The following NFX1 variants were observed in gnomAD, a reference collection of about 807,000 sequenced individuals.
The protein encoded by NFX1 is nuclear transcription factor, X-box binding 1.
In NFX1, 69 loss-of-function variants were observed where a neutral mutation model predicts 137.2. The observed-to-expected ratio is 0.50, with a 90% CI of 0.41 to 0.61. The LOEUF is 0.61. Ranked by LOEUF, NFX1 falls within the 20% of genes least tolerant of loss-of-function variation. NFX1 has a pLI of 0.00. For synonymous variants in NFX1, 495 were observed against 474.1 expected, an observed-to-expected ratio of 1.04 and a Z score of -0.57; for missense variants, 1,167 against 1,391.0, an observed-to-expected ratio of 0.84 and a Z score of 2.56.
At position 33,294,522 on chromosome 9, in the gene NFX1, T is replaced by C. The variant is rs1305648124; in HGVS notation, c.128T>C (p.Ile43Thr). The C allele has an allele frequency of 7.4e-6, 12 of 1,614,086 alleles. No homozygotes were observed. Among genetic ancestry groups the C allele is most frequent in the Non-Finnish European group, 1.0e-5 (12 of 1,180,018 alleles). ...GTQRRLDSNR[I>T]GRRNYSSPPP... ...CAAAGGAGACTAGACTCTAATAGGA[T>C]TGGTAGAAGAAATTACAGTTCACCA... Residue 43 changes from isoleucine to threonine, a missense_variant, in exon 2 of 24, where the codon ATT becomes ACT. By Grantham distance (89) the Ile-to-Thr change is moderately conservative (BLOSUM62 -1). Coordinates refer to ENST00000379540, the MANE Select transcript of NFX1 (RefSeq NM_002504.6).
chr9:33,357,201 C>G (rs1189435789), intron 19 of NFX1, among the ~76,000 whole-genome samples: 1 of 152,032 alleles, frequency 6.6e-6, no homozygotes, highest in Non-Finnish European at 1.5e-5. Flanking sequence ...ACTCGGGAAG[C>G]TGAGGCAGGA....
chr9:33,318,612 A>T, intron 7 of NFX1, 119 bp from the exon 8 acceptor site: 1 of 884,528 alleles, frequency 1.1e-6, no homozygotes, highest in Middle Eastern at 2.4e-4. Flanking sequence ...GGCCTCCCAG[A>T]TTACAGGCAT....
At chr9:33,317,121 GA>G (rs1187356580) in intron 7 of NFX1, among the ~76,000 whole-genome samples, 6 of 151,924 alleles carry the variant, frequency 3.9e-5, no homozygotes, top group African/African-American at 1.2e-4. Context: ...TAGAACGGGG[GA>G]AAAAATTGCA....
Position 33,370,813 on chromosome 9 carries a change from A to G in NFX1, c.*835A>G, listed in dbSNP as rs1587888603. 6.6e-6 allele frequency: 1 copy of G among 152,214 alleles called. No homozygotes were observed. 9.4% of individuals were successfully genotyped at this position (152,214 alleles called of 1,614,324 possible). On this transcript the variant is annotated 3_prime_UTR_variant, in exon 24 of 24. Transcript: ENST00000379540. ...CCTCTTTGATAGAGAAAGAGTCTCA[A>G]ATGGACAACTGTCCTGTGTTGCTTT... is the stretch of plus-strand genomic sequence containing the variant.
In NFX1 at chr9:33,345,535, C is replaced by G. The variant is rs77469097; in HGVS notation, c.2344+1347C>G. ...AATTAAATAATCTATTATATGTCACCTCCAAAGAATTATACCTTATATGTA... is the reference window on the plus strand; with the variant it reads ...AATTAAATAATCTATTATATGTCACGTCCAAAGAATTATACCTTATATGTA... On this transcript the variant is annotated intron_variant, in intron 14 of 23. Coordinates refer to ENST00000379540, the MANE Select transcript of NFX1 (RefSeq NM_002504.6). 1.5e-3 allele frequency among the ~76,000 whole-genome samples: 224 copies of G among 152,212 alleles called. 3 individuals are homozygous for G. The highest frequency in any genetic ancestry group is 5.2e-3 in the African/African-American group (216 of 41,546).
chr9:33,333,571 G>C (rs1277256311), intron 11 of NFX1, among the ~76,000 whole-genome samples: 5 of 152,214 alleles, frequency 3.3e-5, no homozygotes, highest in African/African-American at 1.2e-4. Flanking sequence ...AAGGAAAACA[G>C]TCCTGAAAGG....
At chr9:33,358,375 C>T (rs1021599421) in intron 19 of NFX1, among the ~76,000 whole-genome samples, 1 of 152,256 alleles carries the variant, frequency 6.6e-6, no homozygotes, top group African/African-American at 2.4e-5. Context: ...CTGCCCGCCT[C>T]AGCCTCCCAG....
chr9:33,366,857 T>G, intron 22 of NFX1, 83 bp downstream of exon 22: 1 of 1,462,152 alleles, frequency 6.8e-7, no homozygotes, highest in Admixed American at 2.2e-5. Context: ...ATACTTGTCT[T>G]TCTTACTACC....
At chr9:33,347,190 C>A in intron 15 of NFX1, 73 bp downstream of exon 15, 1 of 1,172,442 alleles carries the variant, frequency 8.5e-7, no homozygotes, top group Non-Finnish European at 1.2e-6. Flanking sequence ...AATTGTTAGT[C>A]TCATCGTCTG....
At chr9:33,292,929 C>T (rs1339726061) in intron 1 of NFX1, among the ~76,000 whole-genome samples, 1 of 152,218 alleles carries the variant, frequency 6.6e-6, no homozygotes, top group East Asian at 1.9e-4. Flanking sequence ...TTCCAGAATA[C>T]CTCTGCCACC....
chr9:33,316,409 C>G (rs1019608843), intron 7 of NFX1, among the ~76,000 whole-genome samples: 1 of 152,026 alleles, frequency 6.6e-6, no homozygotes, highest in East Asian at 1.9e-4. Flanking sequence ...TGCACACCAC[C>G]ATGCCTGGCT....
intron 4 of NFX1, among the ~76,000 whole-genome samples, chr9:33,306,063 G>A (rs1368623869): frequency 2.0e-5 from 3 of 152,160 alleles, no homozygotes; most frequent in Non-Finnish European, 4.4e-5. Flanking sequence ...AGGAAAACCA[G>A]GGCACTGTAT....
chr9:33,360,122 T>C (rs1368803071), intron 19 of NFX1, among the ~76,000 whole-genome samples: 2 of 152,230 alleles, frequency 1.3e-5, no homozygotes, highest in Non-Finnish European at 2.9e-5. Context: ...TTAGGAGTCC[T>C]AGGTATTCAG....
At chr9:33,353,156 T>C (rs2118645651) in intron 17 of NFX1, among the ~76,000 whole-genome samples, 1 of 152,366 alleles carries the variant, frequency 6.6e-6, no homozygotes, top group Non-Finnish European at 1.5e-5. Flanking sequence ...CTTTGAAATT[T>C]CTCCGCTTCC....
chr9:33,352,656 A>G lies in NFX1; in HGVS notation c.2666A>G (p.Gln889Arg), dbSNP rs1325299978. 1.2e-6 allele frequency: 2 copies of G among 1,614,156 alleles called. No homozygotes were observed. The highest frequency in any genetic ancestry group is 2.7e-5 in the African/African-American group (2 of 75,066). ...TTCATCTGACTTCAGGTAGAGCTACAGTGTGAATGTGGACGAAGAAAAGAG... is the reference window on the plus strand; with the variant it reads ...TTCATCTGACTTCAGGTAGAGCTACGGTGTGAATGTGGACGAAGAAAAGAG... Reference protein sequence around the residue: ...VTACKAKVELQCECGRRKEMV... With the variant: ...VTACKAKVELRCECGRRKEMV... Residue 889 changes from glutamine (Q) to arginine (R), a missense_variant, in exon 17 of 24, where the codon CAG becomes CGG. By Grantham distance (43) the Gln-to-Arg change is conservative. Transcript: ENST00000379540.
intron 2 of NFX1, among the ~76,000 whole-genome samples, chr9:33,299,824 C>T (rs2118210641): frequency 6.6e-6 from 1 of 152,304 alleles, no homozygotes; most frequent in Admixed American, 6.5e-5. Flanking sequence ...ACAAAACTCT[C>T]CCTTCTCCTG....
chr9:33,309,273 C>T (rs775263541), intron 5 of NFX1, among the ~76,000 whole-genome samples: 21 of 151,754 alleles, frequency 1.4e-4, no homozygotes, highest in Admixed American at 9.8e-4. Flanking sequence ...AGGAGAATGG[C>T]GTGAACCCGG....
chr9:33,290,640 C>G, intron 1 of NFX1, 43 bp downstream of exon 1: 2 of 1,586,286 alleles, frequency 1.3e-6, no homozygotes, highest in Non-Finnish European at 1.7e-6. Flanking sequence ...TTTCAGGGAG[C>G]GGAAATTGGG....
At chr9:33,300,823 G>A (rs886799415) in intron 2 of NFX1, among the ~76,000 whole-genome samples, 60 of 152,340 alleles carry the variant, frequency 3.9e-4, no homozygotes, top group African/African-American at 1.4e-3. Flanking sequence ...ATGGGTTGTT[G>A]GAACCTGCCC....
Sources: allele counts gnomAD v4.1 joint callset (sites outside exome capture counted in the v4.1 genomes callset), GRCh38; gene constraint gnomAD v4.1.1; transcripts MANE v1.5; gene names NCBI Gene and HGNC (gene_info 2026-07-23, HGNC 2026-07-21).